KIF13A: variants seen among roughly 807,000 people sequenced by gnomAD.
KIF13A encodes the protein kinesin family member 13A.
Under a neutral mutation model 212.2 loss-of-function variants are expected in KIF13A, and 79 were observed. That is an observed-to-expected ratio of 0.37 (90% CI 0.31 to 0.45). KIF13A has a LOEUF of 0.45. Ranked by LOEUF, KIF13A falls within the 20% of genes least tolerant of loss-of-function variation. The probability of loss-of-function intolerance (pLI) is 1.00; values close to 1 mark genes in which losing one functional copy is unlikely to be tolerated. For synonymous variants in KIF13A, 789 were observed against 808.6 expected (o/e 0.98, Z 0.41); for missense variants, 1,901 against 2,209.0 (o/e 0.86, Z 2.79).
At chr6:17,878,513 T>C (rs1770774212) in intron 3 of KIF13A, among the ~76,000 whole-genome samples, 1 of 151,902 alleles carries the variant, frequency 6.6e-6, no homozygotes, top group Admixed American at 6.6e-5. Flanking sequence ...ACTTCTGGGA[T>C]CAAGCGATCC....
At chr6:17,877,067 A>G (rs993674065) in intron 3 of KIF13A, among the ~76,000 whole-genome samples, 5 of 150,826 alleles carry the variant, frequency 3.3e-5, no homozygotes, top group African/African-American at 4.9e-5. Flanking sequence ...AATGGCATTA[A>G]GATCTCGCAG....
intron 2 of KIF13A, among the ~76,000 whole-genome samples, chr6:17,925,058 C>T (rs192953433): frequency 8.4e-4 from 128 of 152,272 alleles, no homozygotes; most frequent in Non-Finnish European, 1.1e-3. Flanking sequence ...CCTCTAAACA[C>T]GCTCCCCCAA....
Position 17,838,845 on chromosome 6 carries a change from C to T in KIF13A, c.831-1262G>A, listed in dbSNP as rs1450558024. Among the ~76,000 whole-genome samples the T allele has an allele frequency of 2.6e-5, 4 of 151,998 alleles. No homozygotes were observed. Among genetic ancestry groups the T allele is most frequent in the African/African-American group, 4.8e-5 (2 of 41,378 alleles). ...TTGTTTGTTTTTTGAGATGGAATCT[C>T]GCTCTGTCACCCAGGCTGGAGTTCA... On this transcript the variant is annotated intron_variant, in intron 9 of 38. Coordinates refer to ENST00000259711, the MANE Select transcript of KIF13A (RefSeq NM_022113.6). The surrounding 1 kb of genome is among the most constrained non-coding windows in gnomAD (Gnocchi z 4.2).
In KIF13A at chr6:17,771,841, C is replaced by T; in HGVS notation, c.4476+67G>A. On this transcript the variant is annotated intron_variant, in intron 37 of 38. Coordinates refer to ENST00000259711, the MANE Select transcript of KIF13A (RefSeq NM_022113.6). The surrounding 1 kb of genome is among the most constrained non-coding windows in gnomAD (Gnocchi z 5.4). ...ATGCAGCACTCAGCTTGTTAATGCA[C>T]ACTGCTGCTTCACAGGTGACACAAC... 3 of 1,498,022 alleles carry T rather than the reference C, an allele frequency of 2.0e-6. No homozygotes were observed. Among genetic ancestry groups the T allele is most frequent in the Non-Finnish European group, 2.8e-6 (3 of 1,083,518 alleles). 92.8% of individuals were successfully genotyped at this position (1,498,022 alleles called of 1,614,324 possible).
At position 17,772,107 on chromosome 6, in the gene KIF13A, GC is replaced by G. The variant is rs1192628565; in HGVS notation, c.4325-49del. 9 of 1,556,702 alleles carry G rather than the reference GC, an allele frequency of 5.8e-6. No homozygotes were observed. Among genetic ancestry groups the G allele is most frequent in the African/African-American group, 1.4e-5 (1 of 73,318 alleles). ...AGGTTACAGATGCTGAACACTTTAA[GC>G]AAAACATAGGAACTGAGACAATGAC... is the stretch of plus-strand genomic sequence containing the variant. On this transcript the variant is annotated intron_variant, in intron 36 of 38. Coordinates refer to ENST00000259711, the MANE Select transcript of KIF13A (RefSeq NM_022113.6). This position sits in a 1 kb window ranked among gnomAD's most constrained non-coding sequence, Gnocchi z 4.8.
chr6:17,873,447 A>G lies in KIF13A; in HGVS notation c.160-10T>C, dbSNP rs1370265431. ...AATCAAAGGCAAATACCTGAATGAA[A>G]GAACAAAATATTAAACTTAAAGATT... On this transcript the variant is annotated splice_polypyrimidine_tract_variant and intron_variant, in intron 3 of 38. Transcript: ENST00000259711. The G allele has an allele frequency of 1.2e-5, 18 of 1,546,494 alleles. No homozygotes were observed. The highest frequency in any genetic ancestry group is 1.6e-5 in the Non-Finnish European group (18 of 1,135,774).
rs750709636 is a variant in KIF13A, at chr6:17,764,128, C to T, written c.5400G>A (p.Trp1800Ter). The T allele has an allele frequency of 6.2e-7, 1 of 1,613,870 alleles. No homozygotes were observed. The highest frequency in any genetic ancestry group is 1.1e-5 in the South Asian group (1 of 91,044). The stretch of plus-strand genomic sequence containing the variant: ...GACATACTCATTGACAGCACAGAAC[C>T]CAAAAGGCTGCCTCTGGAATTATTA... ...DQVIIPEAAF[W>*]VLCCQ is the part of the protein sequence containing the mutation. The change falls in exon 39 of 39, where the codon TGG becomes TGA. Residue 1800 changes from tryptophan (W) to a stop codon, truncating the protein, a stop_gained. Coordinates refer to ENST00000259711, the MANE Select transcript of KIF13A (RefSeq NM_022113.6). LOFTEE classifies it high-confidence loss of function. The surrounding 1 kb of genome is among the most constrained non-coding windows in gnomAD (Gnocchi z 5.1).
chr6:17,828,843 G>A lies in KIF13A; in HGVS notation c.1402-473C>T, dbSNP rs1018078005. Among the ~76,000 whole-genome samples, 3 of 152,076 alleles carry A rather than the reference G, an allele frequency of 2.0e-5. No individual in the cohort carries two copies. Among genetic ancestry groups the A allele is most frequent in the Admixed American group, 2.0e-4 (3 of 15,260 alleles). ...CCATTAAAAAGCAGTTTCATTGACA[G>A]TAATATTTTAAAATATTCAACTTTG... is the stretch of plus-strand genomic sequence containing the variant. On this transcript the variant is annotated intron_variant, in intron 13 of 38. Coordinates refer to ENST00000259711, the MANE Select transcript of KIF13A (RefSeq NM_022113.6). This position sits in a 1 kb window ranked among gnomAD's most constrained non-coding sequence, Gnocchi z 4.3.
intron 34 of KIF13A, among the ~76,000 whole-genome samples, chr6:17,775,891 T>A (rs1424137911): frequency 6.6e-6 from 1 of 151,920 alleles, no homozygotes; most frequent in East Asian, 1.9e-4. Flanking sequence ...TTTCTTCACT[T>A]TTTTTTTGAG....
chr6:17,870,013 T>C (rs886289069), intron 4 of KIF13A, among the ~76,000 whole-genome samples: 1 of 152,228 alleles, frequency 6.6e-6, no homozygotes, highest in Non-Finnish European at 1.5e-5. Context: ...GAAGGAATTG[T>C]TATTTTTTAA....
intron 3 of KIF13A, chr6:17,882,101 C>T (rs760611326): frequency 1.1e-5 from 5 of 456,568 alleles, no homozygotes; most frequent in Middle Eastern, 3.2e-4. Context: ...TCCATAAAAA[C>T]GAGATGTGAA....
chr6:17,783,444 G>C lies in KIF13A; in HGVS notation c.3544+202C>G, dbSNP rs1054440969. On this transcript the variant is annotated intron_variant, in intron 29 of 38. Coordinates refer to ENST00000259711, the MANE Select transcript of KIF13A (RefSeq NM_022113.6). The surrounding 1 kb of genome is among the most constrained non-coding windows in gnomAD (Gnocchi z 4.3). ...AGCAACTGTGCTAATGCTCGTGCAT[G>C]CAGTTCTCAATCACCCTATGTGCTC... 6.6e-6 allele frequency among the ~76,000 whole-genome samples: 1 copy of C among 152,130 alleles called. No individual in the cohort carries two copies. Among genetic ancestry groups the C allele is most frequent in the African/African-American group, 2.4e-5 (1 of 41,452 alleles).
intron 3 of KIF13A, chr6:17,881,654 G>A (rs1031051882): frequency 1.7e-5 from 6 of 346,998 alleles, no homozygotes; most frequent in Non-Finnish European, 2.8e-5. Context: ...CTGCGATTGC[G>A]CCACTGCACT....
intron 17 of KIF13A, among the ~76,000 whole-genome samples, chr6:17,814,158 A>C (rs369562722): frequency 8.0e-5 from 12 of 150,506 alleles, no homozygotes; most frequent in East Asian, 4.0e-4. Context: ...TCACCTTGTT[A>C]GCCAGGATGG....
chr6:17,799,580 CACT>C lies in KIF13A; in HGVS notation c.2617-144_2617-142del. ...GAAAATATTATATCTGACACCGTGA[CACT>C]AAGGGTTGTATCGATAATGAAATCT... On this transcript the variant is annotated intron_variant, in intron 21 of 38. Transcript: ENST00000259711. The surrounding 1 kb of genome is among the most constrained non-coding windows in gnomAD (Gnocchi z 4.4). The C allele has an allele frequency of 1.5e-6, 1 of 685,408 alleles. No homozygotes were observed. Among genetic ancestry groups the C allele is most frequent in the Non-Finnish European group, 2.4e-6 (1 of 419,882 alleles). The allele number at this position is 685,408 out of a possible 1,614,324, so 42.5% of individuals were successfully genotyped here. A position where few individuals can be genotyped will look rare whatever the true frequency, so the allele number is the denominator to read the frequency against.
rs573611402 is a variant in KIF13A, at chr6:17,785,945, C to T, written c.3362-304G>A. Among the ~76,000 whole-genome samples the T allele has an allele frequency of 6.6e-6, 1 of 152,178 alleles. No homozygotes were observed. The highest frequency in any genetic ancestry group is 2.1e-4 in the South Asian group (1 of 4,820). On this transcript the variant is annotated intron_variant, in intron 27 of 38. Transcript: ENST00000259711. The surrounding 1 kb of genome is among the most constrained non-coding windows in gnomAD (Gnocchi z 5.8). Reference sequence around the variant, plus strand: ...AAAACAAGCAAACAAAAACAATAAACAGATTTCACTCAGTGCTATCTATAA... The same window carrying T: ...AAAACAAGCAAACAAAAACAATAAATAGATTTCACTCAGTGCTATCTATAA...
intron 38 of KIF13A, chr6:17,770,361 A>ATTTGTTTTTTTTTTTT (rs1759380279): frequency 1.7e-5 from 2 of 119,446 alleles, no homozygotes; most frequent in Non-Finnish European, 3.5e-5. Context: ...AATAAACAGG[A>ATTTGTTTTTTTTTTTT]TTTTTTTTTT....
chr6:17,774,967 C>G (rs755135919), intron 35 of KIF13A, 48 bp downstream of exon 35: 6 of 1,471,452 alleles, frequency 4.1e-6, no homozygotes, highest in Non-Finnish European at 5.6e-6. Flanking sequence ...CCACAACTTT[C>G]CAGACTAAGA....
intron 3 of KIF13A, among the ~76,000 whole-genome samples, chr6:17,882,981 T>C (rs1048500156): frequency 6.6e-5 from 10 of 152,224 alleles, no homozygotes; most frequent in African/African-American, 2.4e-4. Context: ...TTCCCTTTGT[T>C]CTGCTACAAT....
Sources: allele counts gnomAD v4.1 joint callset (sites outside exome capture counted in the v4.1 genomes callset), GRCh38; gene constraint gnomAD v4.1.1; non-coding constraint Gnocchi (gnomAD v3.1); transcripts MANE v1.5; gene names NCBI Gene and HGNC (gene_info 2026-07-23, HGNC 2026-07-21).